Variants in HSD11B1 observed in about 807,000 individuals in gnomAD.
HSD11B1 encodes hydroxysteroid 11-beta dehydrogenase 1, also known as 11-beta-hydroxysteroid dehydrogenase 1.
A neutral mutation model predicts 22.1 loss-of-function variants in HSD11B1; 15 were observed. The observed-to-expected ratio is 0.68, with a 90% CI of 0.45 to 1.04. HSD11B1 has a LOEUF of 1.04. Ranked by LOEUF, HSD11B1 falls within the 50% of genes least tolerant of loss-of-function variation. The pLI is 0.00. For missense variants in HSD11B1, 281 were observed against 357.6 expected (o/e 0.79, Z 1.73); for synonymous variants, 122 against 125.2 (o/e 0.97, Z 0.17).
At chr1:209,716,394 A>C (rs2102383643) in intron 4 of HSD11B1, among the ~76,000 whole-genome samples, 1 of 152,112 alleles carries the variant, frequency 6.6e-6, no homozygotes, top group African/African-American at 2.4e-5. Flanking sequence ...CTACAGGAAA[A>C]ACTATAAAAC....
At chr1:209,704,614 T>G (rs989977621), upstream of HSD11B1, among the ~76,000 whole-genome samples, 24 of 152,098 alleles carry the variant, frequency 1.6e-4, no homozygotes, top group African/African-American at 4.4e-4. Flanking sequence ...GTGTTAAGAG[T>G]AAGATGGACT....
At chr1:209,698,352 A>C (rs1432109657) in intron 1 of HSD11B1, among the ~76,000 whole-genome samples, 1 of 152,228 alleles carries the variant, frequency 6.6e-6, no homozygotes, top group African/African-American at 2.4e-5. Context: ...TAAATCTGGC[A>C]ACCCTATGTC....
intron 1 of HSD11B1, among the ~76,000 whole-genome samples, chr1:209,694,619 A>G (rs1311469799): frequency 6.6e-6 from 1 of 152,224 alleles, no homozygotes; most frequent in African/African-American, 2.4e-5. Context: ...ATAAGGAGCC[A>G]CTGAATCTTC....
intron 5 of HSD11B1, among the ~76,000 whole-genome samples, chr1:209,733,128 G>A (rs775359127): frequency 1.3e-4 from 20 of 152,194 alleles, no homozygotes; most frequent in South Asian, 8.3e-4. Flanking sequence ...GACACTCAAT[G>A]GCCATTACGT....
At chr1:209,716,623 G>T (rs551180127) in intron 4 of HSD11B1, among the ~76,000 whole-genome samples, 22 of 151,108 alleles carry the variant, frequency 1.5e-4, no homozygotes, top group African/African-American at 5.1e-4. Flanking sequence ...TAAGCAAAAA[G>T]AACAAAACTG....
chr1:209,687,611 T>C (rs990334676), intron 1 of HSD11B1, among the ~76,000 whole-genome samples: 1 of 152,146 alleles, frequency 6.6e-6, no homozygotes, highest in African/African-American at 2.4e-5. Context: ...TTGCCCAAAG[T>C]CACATGTATT....
chr1:209,701,800 CTA>C (rs1450974092), upstream of HSD11B1, among the ~76,000 whole-genome samples: 1 of 152,236 alleles, frequency 6.6e-6, no homozygotes, highest in Non-Finnish European at 1.5e-5. Flanking sequence ...TTGCCATCTC[CTA>C]TCAGTCTCCC....
At position 209,718,187 on chromosome 1, in the gene HSD11B1, G is replaced by T. The variant is rs915003830; in HGVS notation, c.517+11059G>T. Among the ~76,000 whole-genome samples the T allele has an allele frequency of 2.0e-5, 3 of 152,208 alleles. No individual in the cohort carries two copies. The East Asian group carries it at 5.8e-4, about 29-fold the overall frequency. ...AATTTCTAATGTTCGATAGTAGAGT[G>T]ACTATAGTTAGTAACTATGTATTGT... is the stretch of plus-strand genomic sequence containing the variant. On this transcript the variant is annotated intron_variant, in intron 4 of 5. Transcript: ENST00000367027.
chr1:209,701,590 A>T (rs1389475047), upstream of HSD11B1, among the ~76,000 whole-genome samples: 1 of 152,210 alleles, frequency 6.6e-6, no homozygotes, highest in Non-Finnish European at 1.5e-5. Flanking sequence ...ACCTCTGAAC[A>T]CAGTGTTTAC....
intron 4 of HSD11B1, among the ~76,000 whole-genome samples, chr1:209,728,476 G>T (rs2077016572): frequency 6.6e-6 from 1 of 152,110 alleles, no homozygotes; most frequent in Admixed American, 6.5e-5. Flanking sequence ...CTAAGAATTG[G>T]CATACTTGGG....
rs750265281 is a variant in HSD11B1 at position 209,706,775 on chromosome 1, A to G, written c.286A>G (p.Met96Val). ...CTACATTGCTGGCACCATGGAAGAC[A>G]TGACCTTCGCAGAGCAATTTGTTGC... ...AHYIAGTMED[M>V]TFAEQFVAQA... The change falls in exon 3 of 6, where the codon ATG (methionine) becomes GTG (valine). Residue 96 changes from methionine to valine, a missense_variant. Met to Val is a conservative substitution (Grantham distance 21). Coordinates refer to ENST00000367027, the MANE Select transcript of HSD11B1 (RefSeq NM_005525.4). The surrounding 1 kb of genome is among the most constrained non-coding windows in gnomAD (Gnocchi z 4.0). 6.2e-7 allele frequency: 1 copy of G among 1,614,140 alleles called. No homozygotes were observed. Among genetic ancestry groups the G allele is most frequent in the Admixed American group, 1.7e-5 (1 of 60,022 alleles).
At chr1:209,723,140 T>G (rs2076977399) in intron 4 of HSD11B1, among the ~76,000 whole-genome samples, 1 of 152,140 alleles carries the variant, frequency 6.6e-6, no homozygotes, top group Non-Finnish European at 1.5e-5. Flanking sequence ...ATATTTTGCT[T>G]CAGAAAATAT....
At chr1:209,714,132 C>T (rs1391547516) in intron 4 of HSD11B1, among the ~76,000 whole-genome samples, 1 of 152,220 alleles carries the variant, frequency 6.6e-6, no homozygotes, top group Non-Finnish European at 1.5e-5. Flanking sequence ...GGCAAGATAC[C>T]TGTTGTGCAC....
chr1:209,689,575 A>T (rs2076747199), intron 1 of HSD11B1, among the ~76,000 whole-genome samples: 1 of 152,148 alleles, frequency 6.6e-6, no homozygotes, highest in South Asian at 2.1e-4. Context: ...CTCATGAATG[A>T]CTTGGTGCCA....
At chr1:209,705,526 A>G (rs1479636637) in intron 1 of HSD11B1, among the ~76,000 whole-genome samples, 1 of 152,178 alleles carries the variant, frequency 6.6e-6, no homozygotes, top group Non-Finnish European at 1.5e-5. Context: ...GAACTCCAGC[A>G]TTTTAGCTGA....
chr1:209,714,007 A>G (rs1029758583), intron 4 of HSD11B1, among the ~76,000 whole-genome samples: 2 of 149,308 alleles, frequency 1.3e-5, no homozygotes, highest in African/African-American at 2.5e-5. Flanking sequence ...AACTTGAACA[A>G]GTGCTTCCCA....
intron 1 of HSD11B1, among the ~76,000 whole-genome samples, chr1:209,696,730 A>G (rs796778607): frequency 2.0e-5 from 3 of 152,332 alleles, no homozygotes; most frequent in African/African-American, 7.2e-5. Context: ...GGAGGAGGAT[A>G]TTTGGGGAGG....
At chr1:209,697,883 C>CTTTTTTT (rs1558187212) in intron 1 of HSD11B1, among the ~76,000 whole-genome samples, 26 of 21,934 alleles carry the variant, frequency 1.2e-3, no homozygotes, top group African/African-American at 1.9e-3. Context: ...TTTGTTTTTT[C>CTTTTTTT]CTTTTTTTTT....
At chr1:209,694,858 G>A (rs1011704469) in intron 1 of HSD11B1, among the ~76,000 whole-genome samples, 1 of 152,162 alleles carries the variant, frequency 6.6e-6, no homozygotes, top group Non-Finnish European at 1.5e-5. Context: ...GGGAAGGTGA[G>A]GTGGCCAGAG....
Sources: gnomAD v4.1 joint callset for allele counts (sites outside exome capture counted in the v4.1 genomes callset) on GRCh38, gnomAD v4.1.1 for gene constraint, Gnocchi (gnomAD v3.1) non-coding constraint, MANE v1.5 for transcripts, NCBI Gene and HGNC (gene_info 2026-07-23, HGNC 2026-07-21) for gene names.